The following ZNF528 variants were observed in gnomAD, a reference collection of about 807,000 sequenced individuals.
ZNF528 encodes the protein zinc finger protein 528.
In ZNF528, 9 loss-of-function variants were observed where a neutral mutation model predicts 13.3. That is an observed-to-expected ratio of 0.67 (90% confidence interval 0.41 to 1.18). The LOEUF is 1.18. ZNF528 is among the 50% of genes most tolerant of loss of function. ZNF528 has a pLI of 0.01. For missense variants in ZNF528, 858 were observed against 745.4 expected (o/e 1.15, Z -1.76); for synonymous variants, 264 against 254.3 (o/e 1.04, Z -0.36).
At chr19:52,407,740 C>T (rs918745181) in intron 6 of ZNF528, among the ~76,000 whole-genome samples, 3 of 152,064 alleles carry the variant, frequency 2.0e-5, no homozygotes, top group Non-Finnish European at 4.4e-5. Context: ...TGCACCACTG[C>T]GCCCTAGCTT....
rs1454547210 is a variant in ZNF528, at chr19:52,398,532, AAG to A, written c.-220_-219del. 1 of 977,318 alleles carries A rather than the reference AAG, an allele frequency of 1.0e-6. No homozygotes were observed. Among genetic ancestry groups the A allele is most frequent in the Non-Finnish European group, 1.2e-6 (1 of 822,694 alleles). 60.5% of individuals were successfully genotyped at this position (977,318 alleles called of 1,614,324 possible). On this transcript the variant is annotated 5_prime_UTR_variant, in exon 2 of 7. It adds an upstream start codon to the 5' untranslated region. Transcript: ENST00000360465. ...CCCTCCCTGTGAATGTGTGGAGAAA[AAG>A]AGATGGGAACGAGGCAGAGGAAATA...
intron 4 of ZNF528, among the ~76,000 whole-genome samples, chr19:52,402,868 C>T (rs929091573): frequency 2.7e-4 from 41 of 151,974 alleles, no homozygotes; most frequent in African/African-American, 9.0e-4. Context: ...TTTTAATGGA[C>T]GAAGCTTCAT....
At position 52,416,506 on chromosome 19, in the gene ZNF528, A is replaced by G. The variant is rs1446901597; in HGVS notation, c.1654A>G (p.Ser552Gly). The change falls in exon 7 of 7, where the codon AGT becomes GGT. Residue 552 changes from serine (S) to glycine (G), a missense_variant. Ser to Gly is a moderately conservative substitution (Grantham distance 56). Coordinates refer to ENST00000360465, the MANE Select transcript of ZNF528 (RefSeq NM_032423.3). ...TACTGGAGAGAGGCCTTACAGATGTAGTAAATGTGGCAAAGCATTTCGAGG... is the reference window on the plus strand; with the variant it reads ...TACTGGAGAGAGGCCTTACAGATGTGGTAAATGTGGCAAAGCATTTCGAGG... ...IHTGERPYRC[S>G]KCGKAFRGCS... The G allele has an allele frequency of 6.2e-7, 1 of 1,614,194 alleles. No individual in the cohort carries two copies.
chr19:52,414,312 C>G (rs901768110), intron 6 of ZNF528: 1 of 702,396 alleles, frequency 1.4e-6, no homozygotes. Context: ...CAGTTGCCAC[C>G]TGCACAGACC....
At chr19:52,404,119 G>A (rs1292422220) in intron 4 of ZNF528, among the ~76,000 whole-genome samples, 1 of 152,096 alleles carries the variant, frequency 6.6e-6, no homozygotes, top group African/African-American at 2.4e-5. Context: ...CAGACACCTG[G>A]GATCCCATGC....
At chr19:52,406,118 A>C (rs939962086) in intron 5 of ZNF528, 85 bp downstream of exon 5, 1 of 1,467,650 alleles carries the variant, frequency 6.8e-7, no homozygotes, top group Admixed American at 2.2e-5. Context: ...GAGCTCCTGC[A>C]TTGCTTGCCT....
chr19:52,398,760 AG>A (rs1474861875), intron 2 of ZNF528, 141 bp downstream of exon 2: 4 of 315,974 alleles, frequency 1.3e-5, no homozygotes, highest in Non-Finnish European at 1.8e-5. Context: ...TCTCAGACAG[AG>A]GGGGGAGAGG....
chr19:52,406,625 A>G lies in ZNF528; in HGVS notation c.253A>G (p.Ile85Val). The part of the protein sequence containing the change: ...IANDPDGREC[I>V]KGVNTERSSK... Reference sequence around the variant, plus strand: ...AAACGATCCAGACGGCAGGGAGTGCATCAAAGGTGTGAACACAGGTGAGAG... The same window carrying G: ...AAACGATCCAGACGGCAGGGAGTGCGTCAAAGGTGTGAACACAGGTGAGAG... Residue 85 changes from isoleucine to valine, a missense_variant, in exon 6 of 7, where the codon ATC becomes GTC. Ile to Val is a conservative substitution (Grantham distance 29, BLOSUM62 3). Coordinates refer to ENST00000360465, the MANE Select transcript of ZNF528 (RefSeq NM_032423.3). The G allele has an allele frequency of 6.2e-7, 1 of 1,613,670 alleles. No homozygotes were observed. Among genetic ancestry groups the G allele is most frequent in the South Asian group, 1.1e-5 (1 of 90,936 alleles).
At position 52,416,600 on chromosome 19, in the gene ZNF528, G is replaced by T; in HGVS notation, c.1748G>T (p.Gly583Val). Residue 583 changes from glycine (G) to valine (V), a missense_variant, in exon 7 of 7, where the codon GGC becomes GTC. Transcript: ENST00000360465. ...AAATCTCATGAGTGTAAAGAATGTG[G>T]CAAGATCTTCACTCAGAAGTCTTCC... is the stretch of plus-strand genomic sequence containing the variant. ...EKKSHECKECGKIFTQKSSLT... is the reference protein window; with the variant it reads ...EKKSHECKECVKIFTQKSSLT... 2 of 1,614,122 alleles carry T rather than the reference G, an allele frequency of 1.2e-6. No homozygotes were observed. Among genetic ancestry groups the T allele is most frequent in the South Asian group, 1.1e-5 (1 of 91,072 alleles).
At position 52,408,677 on chromosome 19, in the gene ZNF528, G is replaced by A. The variant is rs571206470; in HGVS notation, c.271+2034G>A. ...CAACCTCTGCCTCCTGGGTTCAAGC[G>A]ATTCTCCTGCCTCAGCCTCCCGAGT... is the stretch of plus-strand genomic sequence containing the variant. On this transcript the variant is annotated intron_variant, in intron 6 of 6. Coordinates refer to ENST00000360465, the MANE Select transcript of ZNF528 (RefSeq NM_032423.3). Among the ~76,000 whole-genome samples, 13 of 152,050 alleles carry A rather than the reference G, an allele frequency of 8.5e-5. No individual in the cohort carries two copies. The East Asian group carries it at 1.9e-3, about 23-fold the overall frequency.
intron 5 of ZNF528, among the ~76,000 whole-genome samples, 179 bp from the exon 6 acceptor site, chr19:52,406,336 A>C (rs781283480): frequency 5.9e-5 from 9 of 152,142 alleles, no homozygotes; most frequent in Non-Finnish European, 1.2e-4. Flanking sequence ...TAGTTCTTGG[A>C]AGGGGGCTCT....
chr19:52,410,725 G>C (rs1180201245), intron 6 of ZNF528, among the ~76,000 whole-genome samples: 1 of 152,138 alleles, frequency 6.6e-6, no homozygotes, highest in Admixed American at 6.5e-5. Flanking sequence ...GGTTTTTGTG[G>C]CTGTAGCCGG....
intron 6 of ZNF528, chr19:52,412,310 T>G (rs1488106344): frequency 2.0e-5 from 3 of 152,242 alleles, no homozygotes; most frequent in Non-Finnish European, 2.9e-5. Context: ...TCGGAGTCAG[T>G]CACTCCTGGG....
chr19:52,398,033 A>G (rs2058750442), intron 1 of ZNF528, 129 bp downstream of exon 1: 1 of 152,072 alleles, frequency 6.6e-6, no homozygotes, highest in Non-Finnish European at 1.5e-5. Context: ...AAATTCAGAC[A>G]TCCTTTGAGA....
chr19:52,415,937 T>C lies in ZNF528; in HGVS notation c.1085T>C (p.Phe362Ser), dbSNP rs1237879391. 3.7e-6 allele frequency: 6 copies of C among 1,613,946 alleles called. No homozygotes were observed. The highest frequency in any genetic ancestry group is 5.1e-6 in the Non-Finnish European group (6 of 1,179,996). The stretch of plus-strand genomic sequence containing the variant: ...AAATGTGAAGAATGTGGCAAAGCAT[T>C]TTCAGTGCGTTCCAGCCTCATAACC... ...PYKCEECGKA[F>S]SVRSSLITHQ... Residue 362 changes from phenylalanine (F) to serine (S), a missense_variant, in exon 7 of 7, where the codon TTT becomes TCT. Physicochemically the swap from Phe to Ser is radical, Grantham distance 155 (BLOSUM62 -2). Transcript: ENST00000360465.
Position 52,415,307 on chromosome 19 carries a change from C to G in ZNF528, c.455C>G (p.Ser152Cys). The G allele has an allele frequency of 6.2e-7, 1 of 1,612,902 alleles. No homozygotes were observed. The highest frequency in any genetic ancestry group is 8.5e-7 in the Non-Finnish European group (1 of 1,179,646). ...TCAGTTTCACCGCTTGAAAAAATTT[C>G]TTCCAGTGTCAAATCCCACCTTTTA... The part of the protein sequence containing the change: ...NSSVSPLEKI[S>C]SSVKSHLLNK... Residue 152 changes from serine (S) to cysteine (C), a missense_variant, in exon 7 of 7, where the codon TCT becomes TGT. Transcript: ENST00000360465.
chr19:52,407,611 A>G (rs1479855169), intron 6 of ZNF528, among the ~76,000 whole-genome samples: 1 of 151,840 alleles, frequency 6.6e-6, no homozygotes. Context: ...CCCTGCCTCT[A>G]CTAAAAATAC....
At position 52,402,036 on chromosome 19, in the gene ZNF528, A is replaced by C. The variant is rs369528925; in HGVS notation, c.15+8A>C. 7.4e-6 allele frequency: 12 copies of C among 1,614,024 alleles called. No individual in the cohort carries two copies. In the African/African-American group the frequency reaches 1.6e-4, roughly 22 times the overall value. ...GGAATGGCCCTTACTCAGGTAAGGT[A>C]ATGTTCTCAGTGGATTGTTCTGTCT... On this transcript the variant is annotated splice_region_variant and intron_variant, in intron 4 of 6. Transcript: ENST00000360465.
intron 6 of ZNF528, among the ~76,000 whole-genome samples, chr19:52,410,447 G>A (rs1347453420): frequency 2.0e-5 from 3 of 152,180 alleles, no homozygotes; most frequent in Non-Finnish European, 2.9e-5. Flanking sequence ...ATCTCAGTGA[G>A]CACAGTGCCA....
Sources: gnomAD v4.1 joint callset for allele counts (sites outside exome capture counted in the v4.1 genomes callset) on GRCh38, gnomAD v4.1.1 for gene constraint, MANE v1.5 for transcripts, NCBI Gene and HGNC (gene_info 2026-07-23, HGNC 2026-07-21) for gene names.